Variants in CEP112 observed in about 807,000 individuals in gnomAD.
CEP112 encodes the protein centrosomal protein 112.
A neutral mutation model predicts 153.0 loss-of-function variants in CEP112; 127 were observed. That is an observed-to-expected ratio of 0.83 (90% CI 0.72 to 0.96). The LOEUF is 0.96. CEP112 is among the 40% of genes least tolerant of loss of function. The probability of loss-of-function intolerance (pLI) is 0.00; values close to 1 mark genes in which losing one functional copy is unlikely to be tolerated. For missense variants in CEP112, 1,089 were observed against 1,101.2 expected (o/e 0.99, Z 0.16); for synonymous variants, 358 against 374.4 (o/e 0.96, Z 0.51).
chr17:65,748,198 A>C (rs1223674681), intron 22 of CEP112, among the ~76,000 whole-genome samples: 4 of 152,260 alleles, frequency 2.6e-5, no homozygotes, highest in Non-Finnish European at 1.5e-5. Flanking sequence ...TTGGCAAACA[A>C]AATATTATCA....
At chr17:66,001,148 G>A (rs968863335) in intron 17 of CEP112, among the ~76,000 whole-genome samples, 1 of 152,114 alleles carries the variant, frequency 6.6e-6, no homozygotes, top group East Asian at 1.9e-4. Flanking sequence ...AGCGTCACCC[G>A]GCCTCAGGGA....
chr17:66,183,042 G>A (rs773260987), intron 2 of CEP112, 152 bp downstream of exon 2: 8 of 492,838 alleles, frequency 1.6e-5, no homozygotes, highest in Non-Finnish European at 2.8e-5. Flanking sequence ...ATCTACCCTT[G>A]AACAACTCAG....
At chr17:66,001,211 C>A (rs1166521545) in intron 17 of CEP112, among the ~76,000 whole-genome samples, 1 of 152,184 alleles carries the variant, frequency 6.6e-6, no homozygotes, top group East Asian at 1.9e-4. Flanking sequence ...CCAGTGTGGT[C>A]TGCGTGAGCT....
At chr17:65,853,225 C>T (rs1279138633) in intron 20 of CEP112, among the ~76,000 whole-genome samples, 1 of 152,116 alleles carries the variant, frequency 6.6e-6, no homozygotes, top group Non-Finnish European at 1.5e-5. Context: ...TGTTCCATGC[C>T]TGTCTCCTAG....
intron 21 of CEP112, among the ~76,000 whole-genome samples, chr17:65,832,582 C>T (rs1249359850): frequency 1.3e-5 from 2 of 151,974 alleles, no homozygotes; most frequent in Non-Finnish European, 2.9e-5. Flanking sequence ...CACCCCTATG[C>T]ATACAAACTA....
intron 16 of CEP112, among the ~76,000 whole-genome samples, chr17:66,012,558 C>G (rs2064579776): frequency 6.6e-6 from 1 of 152,164 alleles, no homozygotes; most frequent in African/African-American, 2.4e-5. Context: ...TATAGGCCCC[C>G]AATGTCTTCT....
chr17:66,152,164 G>A (rs1224018477), intron 4 of CEP112, among the ~76,000 whole-genome samples: 3 of 152,152 alleles, frequency 2.0e-5, no homozygotes, highest in Admixed American at 2.0e-4. Context: ...TGTGTAGTGT[G>A]CTAAAGACAA....
intron 16 of CEP112, among the ~76,000 whole-genome samples, chr17:66,022,299 A>G (rs1452271535): frequency 6.6e-6 from 1 of 152,232 alleles, no homozygotes; most frequent in Non-Finnish European, 1.5e-5. Flanking sequence ...ATTTCTCCAG[A>G]TGTGAATAAA....
intron 22 of CEP112, among the ~76,000 whole-genome samples, chr17:65,750,105 T>C (rs2051728339): frequency 6.6e-6 from 1 of 152,210 alleles, no homozygotes; most frequent in South Asian, 2.1e-4. Flanking sequence ...CATTCAATTA[T>C]TGGCCTTTCT....
Position 65,637,091 on chromosome 17 carries a change from T to C in CEP112, c.2864+33A>G, listed in dbSNP as rs115387035. The C allele has an allele frequency of 2.8e-3, 4,260 of 1,546,772 alleles. 111 individuals carry two copies. The African/African-American group carries it at 0.05, about 18-fold the overall frequency. On this transcript the variant is annotated intron_variant, in intron 26 of 26. Transcript: ENST00000535342. ...TCACAGGTGACACAACACAAACTAA[T>C]CAGGAGACAAGACACCTGCTTATGG...
At chr17:65,712,350 T>G (rs1274009790) in intron 23 of CEP112, among the ~76,000 whole-genome samples, 1 of 152,156 alleles carries the variant, frequency 6.6e-6, no homozygotes, top group African/African-American at 2.4e-5. Context: ...GAACAAAAAA[T>G]AAACACCTCC....
chr17:65,894,115 C>T (rs1243691195), intron 20 of CEP112, among the ~76,000 whole-genome samples: 1 of 152,086 alleles, frequency 6.6e-6, no homozygotes, highest in African/African-American at 2.4e-5. Flanking sequence ...GAGATAATTT[C>T]TGCCAATATT....
chr17:65,744,405 G>C (rs374214624), intron 22 of CEP112, among the ~76,000 whole-genome samples: 4 of 151,938 alleles, frequency 2.6e-5, no homozygotes, highest in Admixed American at 2.6e-4. Flanking sequence ...AGGCCACCAG[G>C]CCTGGCTAAT....
rs1003667392 is a variant in CEP112 at position 65,902,215 on chromosome 17, C to T, written c.2100G>A (p.Gln700=). Residue 700 remains glutamine, a synonymous_variant, in exon 20 of 27, where the codon CAG becomes CAA. Coordinates refer to ENST00000535342, the MANE Select transcript of CEP112 (RefSeq NM_001199165.4). ...HEREIENLEK[Q]LRAANMEHEN... ...CGTGCTCCATATTGGCAGCGCGAAGCTGTTTTTCCAGGTTTTCAATTTCCC... is the reference window on the plus strand; with the variant it reads ...CGTGCTCCATATTGGCAGCGCGAAGTTGTTTTTCCAGGTTTTCAATTTCCC... 6.2e-7 allele frequency: 1 copy of T among 1,614,010 alleles called. No homozygotes were observed. The highest frequency in any genetic ancestry group is 8.5e-7 in the Non-Finnish European group (1 of 1,179,986).
At chr17:65,662,385 T>A (rs1658426294) in intron 24 of CEP112, among the ~76,000 whole-genome samples, 1 of 152,242 alleles carries the variant, frequency 6.6e-6, no homozygotes, top group African/African-American at 2.4e-5. Flanking sequence ...CTAATCTTTT[T>A]TTCATGATTA....
intron 4 of CEP112, among the ~76,000 whole-genome samples, chr17:66,140,539 T>C (rs866980896): frequency 6.0e-5 from 9 of 149,224 alleles, no homozygotes; most frequent in African/African-American, 2.1e-4. Context: ...TAAATAACTA[T>C]TTAAACTAAT....
chr17:66,001,967 C>T (rs1455359865), intron 17 of CEP112, among the ~76,000 whole-genome samples: 5 of 151,838 alleles, frequency 3.3e-5, no homozygotes, highest in South Asian at 2.1e-4. Flanking sequence ...CAGTAAAAAA[C>T]GAAATAGGAA....
intron 17 of CEP112, among the ~76,000 whole-genome samples, chr17:66,001,200 A>G (rs1266568464): frequency 1.3e-5 from 2 of 152,182 alleles, no homozygotes; most frequent in Admixed American, 6.5e-5. Context: ...GTGGCAGCAA[A>G]CCAGTGTGGT....
chr17:65,884,185 T>C (rs1042926057), intron 20 of CEP112, among the ~76,000 whole-genome samples: 2 of 152,136 alleles, frequency 1.3e-5, no homozygotes, highest in African/African-American at 4.8e-5. Context: ...GACTCCAGTG[T>C]TCAACGTGAA....
Sources: gnomAD v4.1 joint callset for allele counts (sites outside exome capture counted in the v4.1 genomes callset) on GRCh38, gnomAD v4.1.1 for gene constraint, MANE v1.5 for transcripts, NCBI Gene and HGNC (gene_info 2026-07-23, HGNC 2026-07-21) for gene names.